DOCK4: variants seen among roughly 807,000 people sequenced by gnomAD.
DOCK4 encodes dedicator of cytokinesis 4, also known as dedicator of cytokinesis protein 4.
DOCK4 carries 97 observed loss-of-function variants against 268.1 expected under a neutral mutation model. That is an observed-to-expected ratio of 0.36 (90% CI 0.31 to 0.43). The LOEUF is 0.43. Ranked by LOEUF, DOCK4 falls within the 20% of genes least tolerant of loss-of-function variation. The pLI is 1.00. For synonymous variants in DOCK4, 954 were observed against 887.2 expected, an observed-to-expected ratio of 1.08 and a Z score of -1.34; for missense variants, 2,145 against 2,455.7, an observed-to-expected ratio of 0.87 and a Z score of 2.67.
rs769888457 is a variant in DOCK4 at position 111,742,067 on chromosome 7, A to C, written c.4743T>G (p.Leu1581=). 1.4e-5 allele frequency: 22 copies of C among 1,610,080 alleles called. No individual in the cohort carries two copies. Among genetic ancestry groups the C allele is most frequent in the Non-Finnish European group, 1.9e-5 (22 of 1,178,364 alleles). The part of the protein sequence containing the change: ...EKFVPQDMRP[L]HKKLVDQFFV... ...AGAATTGGTCAACCAGCTTTTTGTG[A>C]AGGGGTCTCATATCTTGAGGTACAA... The change falls in exon 45 of 53, where the codon CTT becomes CTG. Residue 1581 remains leucine (L), a synonymous_variant. Coordinates refer to ENST00000428084, the MANE Select transcript of DOCK4 (RefSeq NM_001363540.2).
intron 12 of DOCK4, among the ~76,000 whole-genome samples, chr7:111,933,894 T>C (rs1794475690): frequency 1.3e-5 from 2 of 152,200 alleles, no homozygotes; most frequent in Admixed American, 1.3e-4. Flanking sequence ...TACTTATGGC[T>C]CTCACTGAAC....
intron 1 of DOCK4, among the ~76,000 whole-genome samples, chr7:112,068,907 GAA>G (rs1298617231): frequency 1.3e-5 from 2 of 151,980 alleles, no homozygotes; most frequent in African/African-American, 4.8e-5. Context: ...GAGTTAACAT[GAA>G]AATAACCAGC....
intron 1 of DOCK4, among the ~76,000 whole-genome samples, chr7:112,026,309 CAT>C (rs1426150274): frequency 2.6e-5 from 4 of 152,338 alleles, no homozygotes; most frequent in East Asian, 3.9e-4. Context: ...ATGAACTGCA[CAT>C]GTGAGGGATC....
chr7:112,110,541 G>A (rs1312965177), intron 1 of DOCK4, among the ~76,000 whole-genome samples: 3 of 152,200 alleles, frequency 2.0e-5, no homozygotes, highest in South Asian at 4.1e-4. Flanking sequence ...TGGTGAACAC[G>A]ATCTTCAGGT....
intron 27 of DOCK4, among the ~76,000 whole-genome samples, chr7:111,813,333 A>G (rs1016565125): frequency 6.6e-6 from 1 of 151,984 alleles, no homozygotes; most frequent in Non-Finnish European, 1.5e-5. Context: ...AATATAGATT[A>G]TATTTACTAG....
chr7:111,879,884 G>A (rs1224931033), intron 16 of DOCK4, among the ~76,000 whole-genome samples: 5 of 151,932 alleles, frequency 3.3e-5, no homozygotes, highest in Non-Finnish European at 7.4e-5. Flanking sequence ...AGTCAGAGGA[G>A]ACAAAAGAAA....
At chr7:112,147,505 T>C (rs1233206046) in intron 1 of DOCK4, among the ~76,000 whole-genome samples, 1 of 152,184 alleles carries the variant, frequency 6.6e-6, no homozygotes, top group South Asian at 2.1e-4. Context: ...AACAGATATT[T>C]TGCCTAAAAA....
chr7:111,741,869 C>T, intron 45 of DOCK4, 144 bp downstream of exon 45: 2 of 1,296,902 alleles, frequency 1.5e-6, no homozygotes, highest in Non-Finnish European at 2.1e-6. Flanking sequence ...GCAGACAAGG[C>T]AATTGTATTT....
chr7:112,014,851 G>A (rs1238754610), intron 1 of DOCK4, among the ~76,000 whole-genome samples: 3 of 152,114 alleles, frequency 2.0e-5, no homozygotes, highest in Non-Finnish European at 4.4e-5. Flanking sequence ...GCTGCAGTGA[G>A]CTATGATCAC....
chr7:111,919,700 A>G (rs1348533137), intron 12 of DOCK4, among the ~76,000 whole-genome samples: 3 of 152,210 alleles, frequency 2.0e-5, no homozygotes, highest in Non-Finnish European at 4.4e-5. Context: ...ATCAAGAATG[A>G]CAAAGGTTAA....
chr7:111,947,792 C>T (rs1198328876), intron 8 of DOCK4, among the ~76,000 whole-genome samples: 5 of 152,062 alleles, frequency 3.3e-5, no homozygotes, highest in African/African-American at 4.8e-5. Flanking sequence ...GGCACAATCT[C>T]GGCTCACTGC....
chr7:111,907,991 G>T (rs2134463170), intron 13 of DOCK4, among the ~76,000 whole-genome samples: 1 of 152,242 alleles, frequency 6.6e-6, no homozygotes, highest in East Asian at 1.9e-4. Flanking sequence ...GTCTCCCAAA[G>T]TGCTGGGATT....
At chr7:111,930,656 T>C (rs1026879509) in intron 12 of DOCK4, among the ~76,000 whole-genome samples, 3 of 152,218 alleles carry the variant, frequency 2.0e-5, no homozygotes, top group Non-Finnish European at 4.4e-5. Flanking sequence ...TATCTAACTG[T>C]TGTGACAGTT....
intron 12 of DOCK4, among the ~76,000 whole-genome samples, chr7:111,934,821 G>C (rs2134711340): frequency 6.6e-6 from 1 of 151,278 alleles, no homozygotes; most frequent in Non-Finnish European, 1.5e-5. Flanking sequence ...TTACAGGCGT[G>C]AGCCACTGCG....
intron 1 of DOCK4, among the ~76,000 whole-genome samples, chr7:112,102,324 A>G (rs182450088): frequency 6.6e-6 from 1 of 152,324 alleles, no homozygotes; most frequent in African/African-American, 2.4e-5. Flanking sequence ...TAAAGTAGGC[A>G]CACCAAGAAA....
At chr7:111,882,280 C>A (rs1276265293) in intron 16 of DOCK4, among the ~76,000 whole-genome samples, 1 of 152,070 alleles carries the variant, frequency 6.6e-6, no homozygotes, top group Non-Finnish European at 1.5e-5. Context: ...AAAAAATCCA[C>A]ACAGAATATC....
intron 1 of DOCK4, among the ~76,000 whole-genome samples, chr7:112,009,345 A>G (rs544220872): frequency 6.6e-6 from 1 of 152,346 alleles, no homozygotes; most frequent in African/African-American, 2.4e-5. Flanking sequence ...ACTGCTTACA[A>G]CACAGAACAC....
rs553001541 is a variant in DOCK4 at position 112,049,451 on chromosome 7, G to A, written c.38-45320C>T. Among the ~76,000 whole-genome samples the A allele has an allele frequency of 5.5e-4, 84 of 152,036 alleles. 1 individual carries two copies. Among genetic ancestry groups the A allele is most frequent in the Admixed American group, 5.5e-3 (84 of 15,262 alleles). ...ATCATTAAAATAAAATTGTACTAAA[G>A]AAGACAGAAAAAGAAGAAAAGGTAC... On this transcript the variant is annotated intron_variant, in intron 1 of 52. Coordinates refer to ENST00000428084, the MANE Select transcript of DOCK4 (RefSeq NM_001363540.2).
At chr7:111,917,527 C>T (rs1792713664) in intron 12 of DOCK4, among the ~76,000 whole-genome samples, 1 of 151,666 alleles carries the variant, frequency 6.6e-6, no homozygotes, top group African/African-American at 2.4e-5. Flanking sequence ...TCCTGGCTAA[C>T]AAGGTGAAAC....
Sources: allele counts gnomAD v4.1 joint callset (sites outside exome capture counted in the v4.1 genomes callset), GRCh38; gene constraint gnomAD v4.1.1; transcripts MANE v1.5; gene names NCBI Gene and HGNC (gene_info 2026-07-23, HGNC 2026-07-21).